Variants in TENM3 observed in about 807,000 individuals in gnomAD.
TENM3 encodes teneurin-3.
A neutral mutation model predicts 255.1 loss-of-function variants in TENM3; 63 were observed. The observed-to-expected ratio is 0.25, with a 90% confidence interval of 0.20 to 0.30. The LOEUF is 0.30. TENM3 is among the 10% of genes least tolerant of loss of function. TENM3 has a pLI of 1.00. For missense variants in TENM3, 2,929 were observed against 3,461.1 expected (o/e 0.85, Z 3.86); for synonymous variants, 1,306 against 1,322.3 (o/e 0.99, Z 0.27).
the TENM3 span, among the ~76,000 whole-genome samples, chr4:181,794,956 TCACC>T: frequency 6.6e-6 from 1 of 152,194 alleles, no homozygotes; most frequent in Non-Finnish European, 1.5e-5. Context: ...CAGAAGAAAT[TCACC>T]TACCAGTTTG....
chr4:182,395,129 G>A (rs1482339633), intron 3 of TENM3, among the ~76,000 whole-genome samples: 1 of 152,152 alleles, frequency 6.6e-6, no homozygotes, highest in African/African-American at 2.4e-5. Context: ...TAGTCTGTGA[G>A]ATTAATCCCT....
intron 22 of TENM3, among the ~76,000 whole-genome samples, chr4:182,771,531 T>C: frequency 6.6e-6 from 1 of 151,442 alleles, no homozygotes; most frequent in African/African-American, 2.4e-5. Flanking sequence ...TACAGAATTC[T>C]CCTATGTAGA....
the TENM3 span, among the ~76,000 whole-genome samples, chr4:181,863,688 C>A: frequency 6.6e-6 from 1 of 152,052 alleles, no homozygotes; most frequent in Non-Finnish European, 1.5e-5. Flanking sequence ...ATCATTATTG[C>A]AGGTCCCCTA....
intron 13 of TENM3, among the ~76,000 whole-genome samples, chr4:182,720,402 A>C (rs1490377038): frequency 1.3e-5 from 2 of 152,170 alleles, no homozygotes; most frequent in Non-Finnish European, 2.9e-5. Context: ...AGTATTTCCC[A>C]AAATGAATCC....
At chr4:182,499,070 C>T (rs1736075456) in intron 3 of TENM3, among the ~76,000 whole-genome samples, 1 of 152,104 alleles carries the variant, frequency 6.6e-6, no homozygotes, top group Non-Finnish European at 1.5e-5. Flanking sequence ...AAAATAAAGG[C>T]ATAGAGTTTT....
At chr4:181,719,617 TA>T in the TENM3 span, among the ~76,000 whole-genome samples, 2 of 152,192 alleles carry the variant, frequency 1.3e-5, no homozygotes, top group African/African-American at 4.8e-5. Context: ...CCTTATGACC[TA>T]ATTATCTCCC....
At chr4:182,569,513 C>T (rs1744142223) in intron 3 of TENM3, among the ~76,000 whole-genome samples, 2 of 150,930 alleles carry the variant, frequency 1.3e-5, no homozygotes, top group Non-Finnish European at 2.9e-5. Context: ...AATATTGCGC[C>T]ACTGCACTCC....
intron 5 of TENM3, among the ~76,000 whole-genome samples, chr4:182,653,066 A>T (rs1427542440): frequency 6.6e-6 from 1 of 152,130 alleles, no homozygotes; most frequent in Non-Finnish European, 1.5e-5. Context: ...TAAATTTTTT[A>T]AAATAAAGCA....
Position 182,507,728 on chromosome 4 carries a change from T to C in TENM3, c.512-93196T>C, listed in dbSNP as rs576425965. ...TCAAATATCTGGAAGTCTTCCACTT[T>C]TGAAATACAGGGCTTCCAAACACAT... On this transcript the variant is annotated intron_variant, in intron 3 of 27. Coordinates refer to ENST00000511685, the MANE Select transcript of TENM3 (RefSeq NM_001080477.4). Among the ~76,000 whole-genome samples the C allele has an allele frequency of 7.3e-4, 111 of 152,338 alleles. 1 individual carries two copies. The highest frequency in any genetic ancestry group is 2.5e-3 in the African/African-American group (104 of 41,582).
intron 4 of TENM3, among the ~76,000 whole-genome samples, chr4:182,608,930 G>A (rs1400688744): frequency 6.6e-6 from 1 of 152,206 alleles, no homozygotes; most frequent in Admixed American, 6.5e-5. Flanking sequence ...CGGTGCCGCC[G>A]CAGGAGCTGC....
At chr4:181,831,506 A>AG in the TENM3 span, among the ~76,000 whole-genome samples, 3 of 151,616 alleles carry the variant, frequency 2.0e-5, no homozygotes, top group Non-Finnish European at 4.4e-5. Flanking sequence ...TGCCAAAAAA[A>AG]AAAAAACCTG....
chr4:182,532,033 A>G (rs1468375452), intron 3 of TENM3, among the ~76,000 whole-genome samples: 1 of 152,216 alleles, frequency 6.6e-6, no homozygotes, highest in Non-Finnish European at 1.5e-5. Context: ...CCAAAGCCCA[A>G]GGAAAATACA....
intron 1 of TENM3, among the ~76,000 whole-genome samples, chr4:182,233,487 G>T (rs1284451110): frequency 6.6e-6 from 1 of 152,202 alleles, no homozygotes; most frequent in Non-Finnish European, 1.5e-5. Flanking sequence ...TTCGTAAGTT[G>T]TGGCTTGCCT....
At chr4:182,647,958 A>T (rs980235456) in intron 5 of TENM3, among the ~76,000 whole-genome samples, 1 of 152,174 alleles carries the variant, frequency 6.6e-6, no homozygotes, top group Admixed American at 6.5e-5. Flanking sequence ...ACCACAATAC[A>T]TGAATTTGTT....
At chr4:182,254,815 A>G (rs1758269632) in intron 1 of TENM3, among the ~76,000 whole-genome samples, 1 of 152,196 alleles carries the variant, frequency 6.6e-6, no homozygotes, top group Admixed American at 6.5e-5. Flanking sequence ...ATCAACAGTG[A>G]AGATAATATA....
chr4:181,745,868 G>A, the TENM3 span, among the ~76,000 whole-genome samples: 5 of 152,208 alleles, frequency 3.3e-5, no homozygotes, highest in Non-Finnish European at 7.4e-5. Context: ...TGGTCTGTGT[G>A]TTGTGTAGTT....
the TENM3 span, among the ~76,000 whole-genome samples, chr4:181,935,842 T>A: frequency 1.3e-5 from 2 of 152,206 alleles, no homozygotes; most frequent in African/African-American, 2.4e-5. Context: ...AAATCTCCCC[T>A]ATTCTTGAAG....
the TENM3 span, among the ~76,000 whole-genome samples, chr4:182,023,869 T>C: frequency 2.6e-5 from 4 of 152,210 alleles, no homozygotes; most frequent in Admixed American, 1.3e-4. Flanking sequence ...AAATATGATG[T>C]ATTAATAATA....
intron 1 of TENM3, among the ~76,000 whole-genome samples, chr4:182,266,894 T>C (rs576486255): frequency 4.3e-4 from 66 of 152,322 alleles, no homozygotes; most frequent in African/African-American, 1.5e-3. Context: ...ATAGTGGCTG[T>C]CCTAAAACTT....
Sources: allele counts gnomAD v4.1 joint callset (sites outside exome capture counted in the v4.1 genomes callset), GRCh38; gene constraint gnomAD v4.1.1; transcripts MANE v1.5; gene names NCBI Gene and HGNC (gene_info 2026-07-23, HGNC 2026-07-21).